Variants in CNTN5 observed in about 807,000 individuals in gnomAD.
The protein encoded by CNTN5 is contactin 5, also known as contactin-5.
CNTN5 carries 77 observed loss-of-function variants against 129.1 expected under a neutral mutation model. The ratio of observed to expected loss-of-function variants is 0.60; its 90% CI spans 0.50 to 0.72. The LOEUF (loss-of-function observed/expected upper bound fraction) is 0.72. Among genes scored for constraint, CNTN5 ranks in the 30% least tolerant of loss-of-function variants. The probability of loss-of-function intolerance (pLI) is 0.00; values close to 1 mark genes in which losing one functional copy is unlikely to be tolerated. For synonymous variants in CNTN5, 509 were observed against 465.6 expected (o/e 1.09, Z -1.20); for missense variants, 1,478 against 1,328.8 (o/e 1.11, Z -1.75).
chr11:99,945,923 T>C (rs1432747919), intron 7 of CNTN5, among the ~76,000 whole-genome samples: 1 of 152,024 alleles, frequency 6.6e-6, no homozygotes, highest in Non-Finnish European at 1.5e-5. Context: ...TTAAGCTTTT[T>C]ATTTTTTCAC....
chr11:100,248,694 A>G (rs1019341565), intron 16 of CNTN5, among the ~76,000 whole-genome samples: 1 of 152,208 alleles, frequency 6.6e-6, no homozygotes, highest in Non-Finnish European at 1.5e-5. Context: ...CACAGAAAAT[A>G]TGATGTTATC....
At chr11:99,200,329 A>G (rs1379746289) in intron 1 of CNTN5, among the ~76,000 whole-genome samples, 1 of 152,088 alleles carries the variant, frequency 6.6e-6, no homozygotes, top group East Asian at 1.9e-4. Context: ...ATTTTCTACT[A>G]TTTTCTAATA....
intron 18 of CNTN5, among the ~76,000 whole-genome samples, chr11:100,289,907 CAA>C (rs1266248635): frequency 2.0e-5 from 3 of 151,158 alleles, no homozygotes; most frequent in African/African-American, 7.3e-5. Flanking sequence ...GCAACTTCAG[CAA>C]AGTCTCAGGA....
At chr11:99,155,227 C>G (rs1860274986) in intron 1 of CNTN5, among the ~76,000 whole-genome samples, 1 of 152,136 alleles carries the variant, frequency 6.6e-6, no homozygotes, top group South Asian at 2.1e-4. Context: ...TGTCCTCGCT[C>G]CATTTACTTT....
At chr11:100,132,398 G>C (rs1342417322) in intron 13 of CNTN5, among the ~76,000 whole-genome samples, 1 of 152,124 alleles carries the variant, frequency 6.6e-6, no homozygotes, top group Non-Finnish European at 1.5e-5. Flanking sequence ...GTAGGAGCTG[G>C]TAGTGGTAGA....
chr11:99,450,337 G>A (rs12806784), intron 2 of CNTN5, among the ~76,000 whole-genome samples: 29 of 151,628 alleles, frequency 1.9e-4, no homozygotes, highest in African/African-American at 7.0e-4. Flanking sequence ...GTACATATGT[G>A]TGTATATGTA....
At chr11:99,923,024 T>A (rs1949975095) in intron 7 of CNTN5, among the ~76,000 whole-genome samples, 1 of 152,204 alleles carries the variant, frequency 6.6e-6, no homozygotes, top group Non-Finnish European at 1.5e-5. Flanking sequence ...CTGTATGAAA[T>A]GATAAAACAG....
intron 3 of CNTN5, among the ~76,000 whole-genome samples, chr11:99,700,063 T>A (rs1591498154): frequency 1.3e-5 from 2 of 151,492 alleles, no homozygotes; most frequent in African/African-American, 4.8e-5. Flanking sequence ...GGTATCATCA[T>A]GAAAATGTAT....
At chr11:99,165,326 C>A (rs1490573524) in intron 1 of CNTN5, among the ~76,000 whole-genome samples, 1 of 152,126 alleles carries the variant, frequency 6.6e-6, no homozygotes, top group African/African-American at 2.4e-5. Context: ...ATTTCAGACA[C>A]AAATTAGGGG....
At chr11:99,369,558 CTAATA>C (rs1433939349) in intron 2 of CNTN5, among the ~76,000 whole-genome samples, 1 of 151,420 alleles carries the variant, frequency 6.6e-6, no homozygotes, top group Non-Finnish European at 1.5e-5. Context: ...ATGTATTTGC[CTAATA>C]TATTATAAAT....
At chr11:100,058,326 T>C (rs1943320336) in intron 9 of CNTN5, among the ~76,000 whole-genome samples, 1 of 152,096 alleles carries the variant, frequency 6.6e-6, no homozygotes, top group Admixed American at 6.6e-5. Context: ...ACAATTTAAG[T>C]TGATACAGAA....
intron 1 of CNTN5, among the ~76,000 whole-genome samples, chr11:99,077,206 A>C (rs1865610960): frequency 6.9e-6 from 1 of 144,178 alleles, no homozygotes; most frequent in African/African-American, 2.7e-5. Context: ...ACTGTTAGAA[A>C]ATGTAAGGTT....
intron 7 of CNTN5, among the ~76,000 whole-genome samples, chr11:99,936,196 T>C (rs73553309): frequency 0.094 from 14,379 of 152,194 alleles, 1,464 homozygotes; most frequent in African/African-American, 0.25. Flanking sequence ...ATTAAAAAAA[T>C]TTTTTACCTA....
At chr11:100,164,945 T>C (rs1947578370) in intron 13 of CNTN5, among the ~76,000 whole-genome samples, 1 of 151,856 alleles carries the variant, frequency 6.6e-6, no homozygotes. Context: ...CATAAAACCA[T>C]AAAATATTGT....
chr11:99,237,612 C>T (rs1251520083), intron 1 of CNTN5, among the ~76,000 whole-genome samples: 10 of 151,748 alleles, frequency 6.6e-5, no homozygotes, highest in East Asian at 5.8e-4. Context: ...ACCCGGGAGG[C>T]GGAGGTTGCA....
At chr11:100,286,871 G>A (rs1479576995) in intron 18 of CNTN5, among the ~76,000 whole-genome samples, 2 of 151,632 alleles carry the variant, frequency 1.3e-5, no homozygotes, top group Admixed American at 6.6e-5. Context: ...AAATTTAGAA[G>A]AATGTATAAC....
At chr11:99,789,266 C>T (rs890567209) in intron 3 of CNTN5, among the ~76,000 whole-genome samples, 2 of 151,854 alleles carry the variant, frequency 1.3e-5, no homozygotes, top group Admixed American at 1.3e-4. Context: ...TACATATTTT[C>T]TCAATATTCA....
chr11:100,316,248 T>G (rs553311846), intron 21 of CNTN5, among the ~76,000 whole-genome samples: 1 of 152,182 alleles, frequency 6.6e-6, no homozygotes, highest in African/African-American at 2.4e-5. Context: ...AAGTAAATTG[T>G]GATAATGGAA....
chr11:99,269,938 T>C (rs573989067), intron 1 of CNTN5, among the ~76,000 whole-genome samples: 7 of 148,196 alleles, frequency 4.7e-5, no homozygotes, highest in African/African-American at 1.4e-4. Context: ...GCAAACACTC[T>C]ACTTGGGAAA....
Sources: gnomAD v4.1 joint callset for allele counts (sites outside exome capture counted in the v4.1 genomes callset) on GRCh38, gnomAD v4.1.1 for gene constraint, MANE v1.5 for transcripts, NCBI Gene and HGNC (gene_info 2026-07-23, HGNC 2026-07-21) for gene names.